RIMBP2: variants seen among roughly 807,000 people sequenced by gnomAD.
The protein encoded by RIMBP2 is RIMS-binding protein 2.
Under a neutral mutation model 118.6 loss-of-function variants are expected in RIMBP2, and 48 were observed. The ratio of observed to expected loss-of-function variants is 0.40; its 90% CI spans 0.32 to 0.51. The LOEUF (loss-of-function observed/expected upper bound fraction) is 0.51, where lower values mean the gene tolerates loss of function less well. RIMBP2 is among the 20% of genes least tolerant of loss of function. The pLI is 0.41. For missense variants in RIMBP2, 1,551 were observed against 1,768.3 expected (o/e 0.88, Z 2.20); for synonymous variants, 762 against 742.9 (o/e 1.03, Z -0.42).
intron 2 of RIMBP2, among the ~76,000 whole-genome samples, chr12:130,580,052 G>T (rs111372347): frequency 0.025 from 3,110 of 123,710 alleles, 47 homozygotes; most frequent in Non-Finnish European, 0.031. Context: ...AAAAAAATTA[G>T]CCGGGCATGG....
At chr12:130,644,347 G>A (rs1030487515) in intron 1 of RIMBP2, among the ~76,000 whole-genome samples, 3 of 152,164 alleles carry the variant, frequency 2.0e-5, no homozygotes, top group African/African-American at 7.2e-5. Flanking sequence ...TAATCCATTA[G>A]GGCAGACACG....
At chr12:130,686,654 C>T (rs1232534872) in intron 1 of RIMBP2, among the ~76,000 whole-genome samples, 1 of 152,370 alleles carries the variant, frequency 6.6e-6, no homozygotes, top group East Asian at 1.9e-4. Context: ...CCCCGGGCCA[C>T]GCGCACATGG....
intron 6 of RIMBP2, chr12:130,465,826 T>C (rs2080419847): frequency 6.6e-6 from 1 of 152,298 alleles, no homozygotes; most frequent in African/African-American, 2.4e-5. Context: ...CACTGACTTA[T>C]GATTCAGCCT....
chr12:130,424,480 G>A lies in RIMBP2; in HGVS notation c.2791C>T (p.Arg931Trp), dbSNP rs775549834. Residue 931 changes from arginine (R) to tryptophan (W), a missense_variant, in exon 16 of 23, where the codon CGG becomes TGG. Physicochemically the swap from Arg to Trp is moderately radical, Grantham distance 101. Coordinates refer to ENST00000690449, the MANE Select transcript of RIMBP2 (RefSeq NM_001393629.1). The surrounding 1 kb of genome is among the most constrained non-coding windows in gnomAD (Gnocchi z 9.8). Reference sequence around the variant, plus strand: ...GCCACGGTGTTTCCGAAGCCAAACCGCGACTCGTCCTCTTCACTCCCACAG... The same window carrying A: ...GCCACGGTGTTTCCGAAGCCAAACCACGACTCGTCCTCTTCACTCCCACAG... Reference protein sequence around the residue: ...LDCGSEEDESRFGFGNTVAAC... With the variant: ...LDCGSEEDESWFGFGNTVAAC... 2.1e-4 allele frequency: 255 copies of A among 1,232,008 alleles called. No individual in the cohort carries two copies. The highest frequency in any genetic ancestry group is 6.2e-4 in the Middle Eastern group (2 of 3,230). 76.3% of individuals were successfully genotyped at this position (1,232,008 alleles called of 1,614,324 possible).
intron 4 of RIMBP2, among the ~76,000 whole-genome samples, chr12:130,481,116 G>A (rs2081967607): frequency 6.7e-6 from 1 of 149,992 alleles, no homozygotes; most frequent in Non-Finnish European, 1.5e-5. Context: ...CCCAGGCTCA[G>A]GGGGAGGGGT....
intron 2 of RIMBP2, among the ~76,000 whole-genome samples, chr12:130,534,181 A>AAG (rs1491419533): frequency 3.2e-5 from 3 of 93,922 alleles, no homozygotes; most frequent in African/African-American, 8.3e-5. Flanking sequence ...AAAAAAAAAA[A>AAG]AGAGAGAGAG....
chr12:130,416,271 G>A (rs1266307035), intron 17 of RIMBP2, among the ~76,000 whole-genome samples: 1 of 152,130 alleles, frequency 6.6e-6, no homozygotes, highest in East Asian at 1.9e-4. Context: ...AGCCGAAGTG[G>A]TCTTAAGCAA....
chr12:130,561,135 G>A (rs2056788697), intron 2 of RIMBP2, among the ~76,000 whole-genome samples: 2 of 152,154 alleles, frequency 1.3e-5, no homozygotes, highest in South Asian at 2.1e-4. Flanking sequence ...GAAGACAGGA[G>A]AGAGGCCAGA....
At position 130,607,076 on chromosome 12, in the gene RIMBP2, C is replaced by T. The variant is rs935563011; in HGVS notation, c.-217+21246G>A. ...CGAACTCCTGACCTCGTGATCTACC[C>T]GCCTCGGCCTCCCAAAGTGCTGGGA... On this transcript the variant is annotated intron_variant, in intron 2 of 22. Transcript: ENST00000690449. 1.4e-4 allele frequency among the ~76,000 whole-genome samples: 21 copies of T among 152,046 alleles called. 1 individual carries two copies. The highest frequency in any genetic ancestry group is 2.6e-4 in the Non-Finnish European group (18 of 68,024).
intron 5 of RIMBP2, among the ~76,000 whole-genome samples, chr12:130,473,640 T>A (rs571455826): frequency 2.0e-5 from 3 of 152,082 alleles, no homozygotes; most frequent in Non-Finnish European, 4.4e-5. Flanking sequence ...GAAAAGTCAG[T>A]GAGACTCAAG....
intron 12 of RIMBP2, 30 bp downstream of exon 12, chr12:130,438,335 A>ACGGGGGGGCCCCCCCCCC: frequency 1.2e-6 from 1 of 865,014 alleles, no homozygotes; most frequent in East Asian, 2.8e-5. Context: ...GGCCTAACAA[A>ACGGGGGGGCCCCCCCCCC]CCCTCCCCAC....
At chr12:130,606,211 G>A (rs2060176760) in intron 2 of RIMBP2, among the ~76,000 whole-genome samples, 1 of 152,222 alleles carries the variant, frequency 6.6e-6, no homozygotes, top group South Asian at 2.1e-4. Context: ...CTGCCTGAGA[G>A]TCTATATGGT....
chr12:130,474,948 A>C (rs2081307481), intron 5 of RIMBP2, among the ~76,000 whole-genome samples: 2 of 152,124 alleles, frequency 1.3e-5, no homozygotes, highest in South Asian at 4.2e-4. Context: ...ACGTCTGTTG[A>C]GTGAATGGAC....
rs998289235 is a variant in RIMBP2, at chr12:130,424,329, C to T, written c.2942G>A (p.Gly981Asp). The T allele has an allele frequency of 1.6e-6, 2 of 1,231,780 alleles. No homozygotes were observed. Among genetic ancestry groups the T allele is most frequent in the South Asian group, 4.1e-5 (1 of 24,320 alleles). The allele number at this position is 1,231,780 out of a possible 1,614,324, so 76.3% of individuals were successfully genotyped here. A position where few individuals can be genotyped will look rare whatever the true frequency, so the allele number is the denominator to read the frequency against. Residue 981 changes from glycine (G) to aspartate (D), a missense_variant, in exon 16 of 23, where the codon GGT becomes GAT. Coordinates refer to ENST00000690449, the MANE Select transcript of RIMBP2 (RefSeq NM_001393629.1). The surrounding 1 kb of genome is among the most constrained non-coding windows in gnomAD (Gnocchi z 9.8). ...EEDFGEQVGP[G>D]GLLRNDDPQP... ...GGGGTCGTCGTTCCTGAGGAGGCCA[C>T]CAGGGCCCACCTGCTCCCCAAAGTC...
chr12:130,486,480 T>C (rs11060941), intron 4 of RIMBP2, among the ~76,000 whole-genome samples: 75,668 of 138,288 alleles, frequency 0.55, 21,006 homozygotes, highest in Non-Finnish European at 0.63. Flanking sequence ...CCCCCGCCAC[T>C]CATACCCAAC....
At chr12:130,700,584 G>T (rs1231786110) in intron 1 of RIMBP2, among the ~76,000 whole-genome samples, 1 of 152,192 alleles carries the variant, frequency 6.6e-6, no homozygotes. Context: ...CAGAGGTGGG[G>T]GCAGGGGGCT....
intron 2 of RIMBP2, among the ~76,000 whole-genome samples, chr12:130,537,092 C>T (rs558138719): frequency 6.6e-6 from 1 of 152,280 alleles, no homozygotes; most frequent in African/African-American, 2.4e-5. Flanking sequence ...ATTAAGGAGG[C>T]ATGAGGGCCA....
intron 6 of RIMBP2, among the ~76,000 whole-genome samples, chr12:130,457,045 A>C (rs1310969668): frequency 6.6e-6 from 1 of 152,152 alleles, no homozygotes; most frequent in East Asian, 1.9e-4. Flanking sequence ...CCAACCGTAG[A>C]TTGTTCTGGG....
intron 2 of RIMBP2, among the ~76,000 whole-genome samples, chr12:130,545,721 C>G (rs1378357324): frequency 6.6e-6 from 1 of 152,196 alleles, no homozygotes; most frequent in Non-Finnish European, 1.5e-5. Context: ...GAGCGCCGTG[C>G]TAAGGGGCTT....
Sources: gnomAD v4.1 joint callset for allele counts (sites outside exome capture counted in the v4.1 genomes callset) on GRCh38, gnomAD v4.1.1 for gene constraint, Gnocchi (gnomAD v3.1) non-coding constraint, MANE v1.5 for transcripts, NCBI Gene and HGNC (gene_info 2026-07-23, HGNC 2026-07-21) for gene names.